Variants in ODAD2 observed in about 807,000 individuals in gnomAD.
ODAD2 encodes the protein outer dynein arm docking complex subunit 2.
In ODAD2, 89 loss-of-function variants were observed where a neutral mutation model predicts 106.8. The observed-to-expected ratio is 0.83, with a 90% confidence interval of 0.70 to 0.99. The LOEUF is 0.99. ODAD2 is among the 50% of genes least tolerant of loss of function. The pLI, the probability that ODAD2 is intolerant of heterozygous loss-of-function variation, is 0.00. For missense variants in ODAD2, 1,168 were observed against 1,238.5 expected (o/e 0.94, Z 0.85); for synonymous variants, 404 against 436.2 (o/e 0.93, Z 0.92).
chr10:27,971,557 A>T (rs1165882394), intron 7 of ODAD2, among the ~76,000 whole-genome samples: 1 of 152,176 alleles, frequency 6.6e-6, no homozygotes, highest in East Asian at 1.9e-4. Flanking sequence ...GCAAGGCTGG[A>T]CCTGCTCATT....
chr10:27,960,831 T>C (rs1244814512), intron 10 of ODAD2, among the ~76,000 whole-genome samples: 2 of 152,192 alleles, frequency 1.3e-5, no homozygotes, highest in African/African-American at 4.8e-5. Flanking sequence ...TTAAGTCAAA[T>C]ACTTTTTCAC....
chr10:27,879,214 T>C (rs985633820), intron 17 of ODAD2, among the ~76,000 whole-genome samples: 12 of 152,152 alleles, frequency 7.9e-5, no homozygotes, highest in African/African-American at 2.9e-4. Context: ...TTAGATGCAG[T>C]ATTCCATTTA....
chr10:27,940,101 G>C lies in ODAD2; in HGVS notation c.1987-94C>G, dbSNP rs1052986901. 7 of 796,776 alleles carry C rather than the reference G, an allele frequency of 8.8e-6. No individual in the cohort carries two copies. In the African/African-American group the frequency reaches 1.2e-4, roughly 14 times the overall value. 49.4% of individuals were successfully genotyped at this position (796,776 alleles called of 1,614,324 possible). On this transcript the variant is annotated intron_variant, in intron 13 of 19. Transcript: ENST00000305242. ...TAAACATGCTGAACAAACTTTCTTA[G>C]GAAATAATCACCATAGTCCAAGCTT...
intron 19 of ODAD2, among the ~76,000 whole-genome samples, chr10:27,821,279 G>A (rs1025771379): frequency 2.0e-5 from 3 of 151,968 alleles, no homozygotes; most frequent in African/African-American, 7.3e-5. Context: ...TAACTGTATT[G>A]TTTTTCCCGA....
chr10:27,903,033 C>T lies in ODAD2; in HGVS notation c.2610+4630G>A, dbSNP rs150602334. ...TCAAGCCAATGTCCCTGATGAACAT[C>T]GATGCGAAAATCCTCAATAAAATAC... On this transcript the variant is annotated intron_variant, in intron 17 of 19. Coordinates refer to ENST00000305242, the MANE Select transcript of ODAD2 (RefSeq NM_018076.5). Among the ~76,000 whole-genome samples the T allele has an allele frequency of 7.7e-3, 1,176 of 152,268 alleles. 18 individuals carry two copies. Among genetic ancestry groups the T allele is most frequent in the African/African-American group, 0.027 (1,110 of 41,542 alleles).
intron 10 of ODAD2, among the ~76,000 whole-genome samples, chr10:27,956,688 G>T (rs1028958745): frequency 6.6e-6 from 1 of 152,066 alleles, no homozygotes; most frequent in Non-Finnish European, 1.5e-5. Context: ...TGTTTTACTG[G>T]ATTTACTGCC....
intron 13 of ODAD2, 97 bp downstream of exon 13, chr10:27,940,466 A>G: frequency 2.1e-6 from 3 of 1,440,748 alleles, no homozygotes; most frequent in East Asian, 2.3e-5. Flanking sequence ...TTCTAGAAAA[A>G]GAATGTCCTT....
intron 16 of ODAD2, among the ~76,000 whole-genome samples, chr10:27,917,660 T>C (rs1284751001): frequency 2.0e-5 from 3 of 152,052 alleles, no homozygotes; most frequent in African/African-American, 7.2e-5. Flanking sequence ...GTCCAGATAG[T>C]AAATATTGTA....
At chr10:27,876,252 G>A (rs921683401) in intron 17 of ODAD2, among the ~76,000 whole-genome samples, 2 of 152,180 alleles carry the variant, frequency 1.3e-5, no homozygotes, top group Non-Finnish European at 2.9e-5. Flanking sequence ...GCCTCCTCAA[G>A]TGGGTCCCTG....
intron 12 of ODAD2, among the ~76,000 whole-genome samples, chr10:27,943,098 A>T (rs1846571501): frequency 6.6e-6 from 1 of 152,222 alleles, no homozygotes; most frequent in Non-Finnish European, 1.5e-5. Flanking sequence ...ACAATACAGT[A>T]AGATAACAGC....
intron 17 of ODAD2, among the ~76,000 whole-genome samples, chr10:27,866,704 A>C (rs554925017): frequency 1.5e-4 from 23 of 152,226 alleles, no homozygotes; most frequent in Middle Eastern, 3.4e-3. Context: ...GAAGCAAGAG[A>C]GGGGAGGGAG....
intron 19 of ODAD2, among the ~76,000 whole-genome samples, chr10:27,826,545 A>G (rs1346672300): frequency 1.3e-5 from 2 of 152,000 alleles, no homozygotes; most frequent in Non-Finnish European, 2.9e-5. Context: ...AATCACGAAA[A>G]GGGAAGTGGC....
chr10:27,898,367 G>A (rs1842984090), intron 17 of ODAD2, among the ~76,000 whole-genome samples: 1 of 152,044 alleles, frequency 6.6e-6, no homozygotes, highest in African/African-American at 2.4e-5. Context: ...TTTAATAACA[G>A]TTTATGTGAA....
At chr10:27,850,845 C>A (rs1449369746) in intron 19 of ODAD2, among the ~76,000 whole-genome samples, 2 of 152,180 alleles carry the variant, frequency 1.3e-5, no homozygotes, top group South Asian at 4.1e-4. Context: ...TTGACCCAGA[C>A]TAACTCCAGG....
chr10:27,941,960 G>A (rs562675880), intron 12 of ODAD2, among the ~76,000 whole-genome samples: 1 of 152,116 alleles, frequency 6.6e-6, no homozygotes, highest in Non-Finnish European at 1.5e-5. Flanking sequence ...CTTGAGACAG[G>A]TGGACACTCC....
intron 17 of ODAD2, among the ~76,000 whole-genome samples, chr10:27,897,011 A>C (rs1228990469): frequency 1.3e-5 from 2 of 152,072 alleles, no homozygotes. Context: ...CGACCGCCTA[A>C]TTCCTGTACT....
At position 27,983,948 on chromosome 10, in the gene ODAD2, T is replaced by TGG; in HGVS notation, c.712_713dup (p.Pro239HisfsTer15). The TGG allele has an allele frequency of 6.2e-7, 1 of 1,608,972 alleles. No homozygotes were observed. The highest frequency in any genetic ancestry group is 8.5e-7 in the Non-Finnish European group (1 of 1,178,994). On this transcript the variant is annotated frameshift_variant, in exon 6 of 20. Transcript: ENST00000305242. LOFTEE classifies it high-confidence loss of function. ...TTTCCCCACGAATTTGTCTCCACGG[T>TGG]GGGGCTCGACATCCATTTGAAAATT... is the stretch of plus-strand genomic sequence containing the variant.
intron 4 of ODAD2, 140 bp downstream of exon 4, chr10:27,984,879 T>G (rs1274074235): frequency 7.5e-6 from 3 of 397,496 alleles, no homozygotes; most frequent in Non-Finnish European, 1.2e-5. Flanking sequence ...CCTTTTTAAT[T>G]TTTTAATTTT....
chr10:27,979,048 A>G (rs1361656260), intron 7 of ODAD2, among the ~76,000 whole-genome samples: 2 of 151,922 alleles, frequency 1.3e-5, no homozygotes, highest in African/African-American at 2.4e-5. Flanking sequence ...CATCTCTACT[A>G]AAAATCTAAA....
Sources: allele counts gnomAD v4.1 joint callset (sites outside exome capture counted in the v4.1 genomes callset), GRCh38; gene constraint gnomAD v4.1.1; transcripts MANE v1.5; gene names NCBI Gene and HGNC (gene_info 2026-07-23, HGNC 2026-07-21).